Variants in TRPC4AP observed in about 807,000 individuals in gnomAD.
The protein encoded by TRPC4AP is short transient receptor potential channel 4-associated protein.
TRPC4AP carries 45 observed loss-of-function variants against 99.0 expected under a neutral mutation model. That is an observed-to-expected ratio of 0.45 (90% CI 0.36 to 0.58). The LOEUF (loss-of-function observed/expected upper bound fraction) is 0.58. Among genes scored for constraint, TRPC4AP ranks in the 20% least tolerant of loss-of-function variants. The pLI, the probability that TRPC4AP is intolerant of heterozygous loss-of-function variation, is 0.00. For missense variants in TRPC4AP, 879 were observed against 985.3 expected, an observed-to-expected ratio of 0.89 and a Z score of 1.44; for synonymous variants, 408 against 385.8, an observed-to-expected ratio of 1.06 and a Z score of -0.67.
chr20:35,056,972 C>T (rs1414381849), intron 4 of TRPC4AP, among the ~76,000 whole-genome samples: 10 of 90,656 alleles, frequency 1.1e-4, no homozygotes, highest in Non-Finnish European at 1.6e-4. Flanking sequence ...GGCAACAGAG[C>T]GAGAGACTGT....
At chr20:35,043,253 T>A (rs1340352567) in intron 7 of TRPC4AP, among the ~76,000 whole-genome samples, 2 of 151,762 alleles carry the variant, frequency 1.3e-5, no homozygotes, top group African/African-American at 4.8e-5. Flanking sequence ...AATAATTTTT[T>A]TTTTTTTTTT....
chr20:35,044,602 C>T lies in TRPC4AP; in HGVS notation c.768G>A (p.Met256Ile), dbSNP rs1256366603. 2 of 1,614,098 alleles carry T rather than the reference C, an allele frequency of 1.2e-6. No individual in the cohort carries two copies. Among genetic ancestry groups the T allele is most frequent in the Admixed American group, 1.7e-5 (1 of 60,024 alleles). The stretch of plus-strand genomic sequence containing the variant: ...TGTGCTTGTCATCATTCCCTGTATC[C>T]ATCTCTGAAATGGTGACAGCCAGAA... The part of the protein sequence containing the change: ...CRILAVTISE[M>I]DTGNDDKHTL... Residue 256 changes from methionine to isoleucine, a missense_variant, in exon 7 of 19, where the codon ATG becomes ATA. Physicochemically the swap from Met to Ile is conservative, Grantham distance 10. Coordinates refer to ENST00000252015, the MANE Select transcript of TRPC4AP (RefSeq NM_015638.3).
chr20:35,017,476 A>T (rs568697305), intron 9 of TRPC4AP, among the ~76,000 whole-genome samples: 2 of 152,354 alleles, frequency 1.3e-5, no homozygotes, highest in East Asian at 1.9e-4. Flanking sequence ...ATTTGTTTAT[A>T]TAACATAAGG....
intron 1 of TRPC4AP, among the ~76,000 whole-genome samples, chr20:35,090,621 G>A (rs944047865): frequency 6.6e-6 from 1 of 152,018 alleles, no homozygotes; most frequent in Non-Finnish European, 1.5e-5. Context: ...TGATCCACCC[G>A]CCTCGACCTC....
Position 35,092,673 on chromosome 20 carries a change from T to A in TRPC4AP, c.109A>T (p.Ile37Phe). ...GWGGRPRPGN[I>F]LLQLRQGQLT... Reference sequence around the variant, plus strand: ...TGGCCCTGCCGCAGCTGCAGCAGAATGTTACCAGGCCGCGGCCGGCCGCCC... The same window carrying A: ...TGGCCCTGCCGCAGCTGCAGCAGAAAGTTACCAGGCCGCGGCCGGCCGCCC... Residue 37 changes from isoleucine (I) to phenylalanine (F), a missense_variant, in exon 1 of 19, where the codon ATT becomes TTT. Ile to Phe is a conservative substitution (Grantham distance 21). This residue lies in a region of TRPC4AP where 603 missense variants were observed against 631.8 expected (regional missense o/e 0.95). Transcript: ENST00000252015. 6.6e-7 allele frequency: 1 copy of A among 1,523,324 alleles called. No homozygotes were observed. 94.4% of individuals were successfully genotyped at this position (1,523,324 alleles called of 1,614,324 possible). A position where few individuals can be genotyped will look rare whatever the true frequency, so the allele number is the denominator to read the frequency against.
chr20:35,025,327 C>T (rs1026938617), intron 8 of TRPC4AP, among the ~76,000 whole-genome samples: 7 of 152,128 alleles, frequency 4.6e-5, no homozygotes, highest in African/African-American at 1.7e-4. Flanking sequence ...ACTATGGGCA[C>T]GTGCCACCAT....
rs112103992 is a variant in TRPC4AP at position 35,078,058 on chromosome 20, T to C, written c.285A>G (p.Gln95=). 3.9e-5 allele frequency: 63 copies of C among 1,613,290 alleles called. No individual in the cohort carries two copies. The African/African-American group carries it at 4.9e-4, about 13-fold the overall frequency. ...CCTTAAGAGTTACCTTGAGGATGTT[T>C]TGACACTCAACAAAGTCACTGTGGA... is the stretch of plus-strand genomic sequence containing the variant. The part of the protein sequence containing the change: ...SHLHSDFVEC[Q]NILKEISPLL... Residue 95 remains glutamine (Q), a synonymous_variant, in exon 2 of 19, where the codon CAA becomes CAG. Coordinates refer to ENST00000252015, the MANE Select transcript of TRPC4AP (RefSeq NM_015638.3).
chr20:35,060,503 CT>C (rs2083971439), intron 3 of TRPC4AP, among the ~76,000 whole-genome samples: 1 of 144,408 alleles, frequency 6.9e-6, no homozygotes, highest in African/African-American at 2.5e-5. Flanking sequence ...AGATAGGAGG[CT>C]CGCTTGAGCC....
At chr20:35,071,220 ACT>A (rs1399654698) in intron 2 of TRPC4AP, among the ~76,000 whole-genome samples, 1 of 152,112 alleles carries the variant, frequency 6.6e-6, no homozygotes, top group Non-Finnish European at 1.5e-5. Context: ...TCTGAAGAAC[ACT>A]GTCATTCAGT....
intron 7 of TRPC4AP, among the ~76,000 whole-genome samples, chr20:35,040,078 C>T (rs886629734): frequency 2.0e-5 from 3 of 151,606 alleles, no homozygotes; most frequent in African/African-American, 7.3e-5. Context: ...TGGACTGTGT[C>T]CCCACCCCCC....
chr20:35,014,495 C>T (rs185150384), intron 10 of TRPC4AP, among the ~76,000 whole-genome samples: 121 of 152,068 alleles, frequency 8.0e-4, no homozygotes, highest in Middle Eastern at 3.4e-3. Flanking sequence ...GACCCAAACA[C>T]AAGCATTAGT....
At chr20:35,045,525 T>C (rs1266193325) in intron 6 of TRPC4AP, among the ~76,000 whole-genome samples, 1 of 152,072 alleles carries the variant, frequency 6.6e-6, no homozygotes, top group African/African-American at 2.4e-5. Context: ...TGCGTGTCAT[T>C]ACACCTGGCT....
At chr20:35,058,776 G>A (rs1433519558) in intron 3 of TRPC4AP, among the ~76,000 whole-genome samples, 2 of 132,898 alleles carry the variant, frequency 1.5e-5, no homozygotes, top group South Asian at 2.5e-4. Flanking sequence ...TGCAACCTCC[G>A]CCTCCTGGGT....
intron 5 of TRPC4AP, among the ~76,000 whole-genome samples, chr20:35,054,641 T>C (rs1387414781): frequency 1.3e-5 from 2 of 152,162 alleles, no homozygotes; most frequent in Non-Finnish European, 2.9e-5. Flanking sequence ...AATGAAGAAA[T>C]AGGCATAATG....
At chr20:35,021,541 G>A (rs931435755) in intron 8 of TRPC4AP, among the ~76,000 whole-genome samples, 185 bp from the exon 9 acceptor site, 16 of 152,282 alleles carry the variant, frequency 1.1e-4, no homozygotes, top group Admixed American at 3.9e-4. Flanking sequence ...GCAGAGACTC[G>A]GAAAAATGGA....
chr20:35,092,698 C>T lies in TRPC4AP; in HGVS notation c.84G>A (p.Trp28Ter). ...TGTTACCAGGCCGCGGCCGGCCGCC[C>T]CATCCGCCCCAAGCCGCCACTGTGG... ...SAATVAAWGG[W>*]GGRPRPGNIL... Residue 28 changes from tryptophan (W) to a stop codon, truncating the protein, a stop_gained, in exon 1 of 19, where the codon TGG becomes TGA. Transcript: ENST00000252015. LOFTEE classifies it high-confidence loss of function. 1 of 1,547,122 alleles carries T rather than the reference C, an allele frequency of 6.5e-7. No individual in the cohort carries two copies. The highest frequency in any genetic ancestry group is 8.6e-7 in the Non-Finnish European group (1 of 1,157,484).
intron 3 of TRPC4AP, among the ~76,000 whole-genome samples, chr20:35,058,545 AAAT>A (rs1322920162): frequency 6.6e-6 from 1 of 152,214 alleles, no homozygotes; most frequent in African/African-American, 2.4e-5. Flanking sequence ...AACCCATCCT[AAAT>A]AATAATGGGC....
chr20:35,089,948 T>C (rs2146054108), intron 1 of TRPC4AP, among the ~76,000 whole-genome samples: 1 of 152,020 alleles, frequency 6.6e-6, no homozygotes, highest in East Asian at 1.9e-4. Context: ...AGCAAAACCC[T>C]GTCTCTACCA....
intron 5 of TRPC4AP, 72 bp downstream of exon 5, chr20:35,054,904 G>T (rs529946927): frequency 7.5e-6 from 10 of 1,339,254 alleles, no homozygotes; most frequent in East Asian, 2.3e-5. Flanking sequence ...CATTCTACTC[G>T]AATATTCCCA....
Sources: gnomAD v4.1 joint callset for allele counts (sites outside exome capture counted in the v4.1 genomes callset) on GRCh38, gnomAD v4.1.1 for gene constraint, gnomAD v4.1.1 regional missense constraint, MANE v1.5 for transcripts, NCBI Gene and HGNC (gene_info 2026-07-23, HGNC 2026-07-21) for gene names.